Variants in RORA observed in about 807,000 individuals in gnomAD.
The protein encoded by RORA is RAR related orphan receptor A, also known as nuclear receptor ROR-alpha.
A neutral mutation model predicts 69.5 loss-of-function variants in RORA; 7 were observed. The ratio of observed to expected loss-of-function variants is 0.10; its 90% CI spans 0.06 to 0.19. RORA has a LOEUF of 0.19. Among genes scored for constraint, RORA ranks in the 10% least tolerant of loss-of-function variants. RORA has a pLI of 1.00. For missense variants in RORA, 457 were observed against 663.0 expected (o/e 0.69, Z 3.41); for synonymous variants, 261 against 240.8 (o/e 1.08, Z -0.78).
chr15:60,693,700 C>A (rs373160699), intron 1 of RORA, among the ~76,000 whole-genome samples: 99 of 152,098 alleles, frequency 6.5e-4, no homozygotes, highest in African/African-American at 2.2e-3. Flanking sequence ...AGAAGTGCTA[C>A]AAAGAGAATA....
At chr15:60,892,479 A>G (rs2073823030) in intron 1 of RORA, among the ~76,000 whole-genome samples, 1 of 152,142 alleles carries the variant, frequency 6.6e-6, no homozygotes, top group African/African-American at 2.4e-5. Flanking sequence ...TCTCCTGCCC[A>G]ATCCTCCAAA....
rs74555351 is a variant in RORA, at chr15:60,584,642, C to T, written c.197-52791G>A. On this transcript the variant is annotated intron_variant, in intron 2 of 10. Coordinates refer to ENST00000335670, the MANE Select transcript of RORA (RefSeq NM_134261.3). ...CCTGAATTACCTAGCACACAATAGG[C>T]ACTTAAGTATTTGCTGAAACAAATT... 3.3e-3 allele frequency among the ~76,000 whole-genome samples: 505 copies of T among 152,288 alleles called. 4 individuals are homozygous for T. Among genetic ancestry groups the T allele is most frequent in the African/African-American group, 0.011 (441 of 41,550 alleles).
chr15:61,223,789 TAGTC>T (rs1268649514), intron 1 of RORA, among the ~76,000 whole-genome samples: 1 of 152,206 alleles, frequency 6.6e-6, no homozygotes, highest in African/African-American at 2.4e-5. Flanking sequence ...AATCTACTGT[TAGTC>T]AGAAAAACCA....
chr15:61,227,578 G>T (rs1158703121), intron 1 of RORA, among the ~76,000 whole-genome samples: 2 of 139,398 alleles, frequency 1.4e-5, no homozygotes, highest in East Asian at 2.0e-4. Context: ...TGGCTAAGGT[G>T]GGGGGGGGGA....
intron 3 of RORA, among the ~76,000 whole-genome samples, chr15:60,520,716 TGAG>T (rs1009453222): frequency 2.0e-5 from 3 of 151,948 alleles, no homozygotes; most frequent in Non-Finnish European, 4.4e-5. Flanking sequence ...TGGGTGGAAC[TGAG>T]GAGGCGTAAA....
intron 1 of RORA, among the ~76,000 whole-genome samples, chr15:61,110,258 T>C (rs903643118): frequency 6.6e-6 from 1 of 152,082 alleles, no homozygotes; most frequent in African/African-American, 2.4e-5. Context: ...TAGCGGGGCA[T>C]GGTGGTGCAC....
intron 1 of RORA, among the ~76,000 whole-genome samples, chr15:60,819,773 A>ACACACGCG (rs1555455792): frequency 1.3e-5 from 2 of 150,668 alleles, no homozygotes; most frequent in Admixed American, 6.6e-5. Flanking sequence ...ACACACACAC[A>ACACACGCG]CACACACACA....
At chr15:60,919,436 A>G (rs551390265) in intron 1 of RORA, among the ~76,000 whole-genome samples, 2 of 152,346 alleles carry the variant, frequency 1.3e-5, no homozygotes, top group African/African-American at 4.8e-5. Context: ...GATTTTCCAT[A>G]ATGCAATTCC....
chr15:61,037,823 AAC>A (rs894541475), intron 1 of RORA, among the ~76,000 whole-genome samples: 2 of 152,218 alleles, frequency 1.3e-5, no homozygotes, highest in African/African-American at 4.8e-5. Context: ...AGGCCATGCG[AAC>A]ACAGAGTAAG....
intron 1 of RORA, among the ~76,000 whole-genome samples, chr15:60,864,993 C>A (rs533699079): frequency 1.6e-4 from 25 of 152,302 alleles, no homozygotes; most frequent in Non-Finnish European, 3.7e-4. Context: ...TAGGCATCCA[C>A]TTTTACAAGA....
intron 6 of RORA, among the ~76,000 whole-genome samples, chr15:60,504,944 T>C (rs2065451228): frequency 6.6e-6 from 1 of 152,344 alleles, no homozygotes. Flanking sequence ...GGATGTTAGT[T>C]TTCCTCAAAT....
chr15:61,004,292 G>A (rs1244239025), intron 1 of RORA, among the ~76,000 whole-genome samples: 1 of 151,540 alleles, frequency 6.6e-6, no homozygotes, highest in Non-Finnish European at 1.5e-5. Flanking sequence ...AAGAGAGAGA[G>A]ACAGACTAAT....
chr15:60,907,372 G>T (rs971133588), intron 1 of RORA, among the ~76,000 whole-genome samples: 2 of 152,180 alleles, frequency 1.3e-5, no homozygotes, highest in Non-Finnish European at 2.9e-5. Context: ...AGTGGAAAGA[G>T]CAATGTAAGA....
intron 2 of RORA, among the ~76,000 whole-genome samples, chr15:60,645,603 G>C (rs1596092715): frequency 6.6e-6 from 1 of 152,036 alleles, no homozygotes; most frequent in South Asian, 2.1e-4. Flanking sequence ...GTGTTGCCCA[G>C]GCTGGTCTCG....
intron 1 of RORA, among the ~76,000 whole-genome samples, chr15:61,169,691 T>C (rs2079568769): frequency 6.6e-6 from 1 of 151,076 alleles, no homozygotes; most frequent in Admixed American, 6.6e-5. Context: ...CTTCCAGCAG[T>C]TGATTGATTT....
At chr15:60,661,264 C>T (rs1284595560) in intron 2 of RORA, among the ~76,000 whole-genome samples, 1 of 152,142 alleles carries the variant, frequency 6.6e-6, no homozygotes, top group African/African-American at 2.4e-5. Flanking sequence ...ATCGGATGTG[C>T]TGGGCCAGGC....
intron 2 of RORA, among the ~76,000 whole-genome samples, chr15:60,583,331 T>C (rs926734411): frequency 6.6e-5 from 10 of 152,244 alleles, no homozygotes; most frequent in African/African-American, 2.2e-4. Flanking sequence ...GAAGCACTGA[T>C]CAGCTTCCAG....
chr15:60,835,624 T>C (rs769594294), intron 1 of RORA, among the ~76,000 whole-genome samples: 5 of 152,218 alleles, frequency 3.3e-5, no homozygotes, highest in Non-Finnish European at 5.9e-5. Flanking sequence ...TTTCAGGTTA[T>C]GACCATCTCT....
At chr15:60,601,526 G>A (rs139585747) in intron 2 of RORA, among the ~76,000 whole-genome samples, 184 of 152,200 alleles carry the variant, frequency 1.2e-3, no homozygotes, top group Non-Finnish European at 2.1e-3. Context: ...CAAAGCTGAC[G>A]TTCCTAAAAG....
Sources: gnomAD v4.1 joint callset for allele counts (sites outside exome capture counted in the v4.1 genomes callset) on GRCh38, gnomAD v4.1.1 for gene constraint, MANE v1.5 for transcripts, NCBI Gene and HGNC (gene_info 2026-07-23, HGNC 2026-07-21) for gene names.